Variants in EXOC4 observed in about 807,000 individuals in gnomAD.
The protein encoded by EXOC4 is exocyst complex component 4.
Under a neutral mutation model 107.2 loss-of-function variants are expected in EXOC4, and 71 were observed. That is an observed-to-expected ratio of 0.66 (90% CI 0.55 to 0.81). EXOC4 has a LOEUF of 0.81. Ranked by LOEUF, EXOC4 falls within the 30% of genes least tolerant of loss-of-function variation. EXOC4 has a pLI of 0.00. For synonymous variants in EXOC4, 456 were observed against 441.2 expected (o/e 1.03, Z -0.42); for missense variants, 1,108 against 1,189.6 (o/e 0.93, Z 1.01).
chr7:133,353,412 C>A (rs1478127227), intron 5 of EXOC4, among the ~76,000 whole-genome samples: 1 of 152,056 alleles, frequency 6.6e-6, no homozygotes, highest in Non-Finnish European at 1.5e-5. Context: ...ATACAGAATT[C>A]TTGGTTGACA....
At chr7:133,672,884 T>A (rs995516630) in intron 10 of EXOC4, among the ~76,000 whole-genome samples, 1 of 152,230 alleles carries the variant, frequency 6.6e-6, no homozygotes, top group African/African-American at 2.4e-5. Flanking sequence ...TATTGCTTTA[T>A]AATCACTTTT....
intron 9 of EXOC4, among the ~76,000 whole-genome samples, chr7:133,488,950 A>G (rs2150871933): frequency 6.7e-6 from 1 of 149,230 alleles, no homozygotes; most frequent in South Asian, 2.1e-4. Flanking sequence ...TCTCTATATA[A>G]AGTCTAATAT....
chr7:133,393,565 G>A (rs758736109), intron 7 of EXOC4, among the ~76,000 whole-genome samples: 3 of 152,156 alleles, frequency 2.0e-5, no homozygotes, highest in Non-Finnish European at 2.9e-5. Context: ...ATTTGGAGAT[G>A]GAGGCTTTGG....
At chr7:133,342,924 A>G (rs1362622089) in intron 5 of EXOC4, among the ~76,000 whole-genome samples, 3 of 152,038 alleles carry the variant, frequency 2.0e-5, no homozygotes, top group South Asian at 4.1e-4. Flanking sequence ...TTTTCCATCC[A>G]TAGCTTGTAT....
intron 10 of EXOC4, among the ~76,000 whole-genome samples, chr7:133,725,141 T>G (rs1405411578): frequency 6.6e-6 from 1 of 152,222 alleles, no homozygotes; most frequent in Non-Finnish European, 1.5e-5. Context: ...CCAATGCACC[T>G]GAGGAACTGA....
At chr7:133,272,341 G>A (rs897633725) in intron 1 of EXOC4, among the ~76,000 whole-genome samples, 16 of 152,024 alleles carry the variant, frequency 1.1e-4, no homozygotes, top group Admixed American at 1.3e-4. Context: ...TTAAATCCCC[G>A]TACTATTCCT....
At chr7:134,062,330 A>G (rs1305905913) in intron 17 of EXOC4, among the ~76,000 whole-genome samples, 1 of 152,094 alleles carries the variant, frequency 6.6e-6, no homozygotes, top group African/African-American at 2.4e-5. Flanking sequence ...AGACACCACA[A>G]CTCTTCCTGA....
the EXOC4 span, among the ~76,000 whole-genome samples, chr7:134,074,915 C>A: frequency 6.6e-6 from 1 of 152,214 alleles, no homozygotes; most frequent in East Asian, 1.9e-4. Flanking sequence ...GAAAATGGAA[C>A]TGGACCATGG....
At chr7:133,322,745 A>G (rs1029457764) in intron 5 of EXOC4, among the ~76,000 whole-genome samples, 1 of 152,096 alleles carries the variant, frequency 6.6e-6, no homozygotes, top group Non-Finnish European at 1.5e-5. Flanking sequence ...TTTTTTTCCA[A>G]TTCTGTGAAG....
chr7:133,940,611 C>T (rs1272801180), intron 14 of EXOC4, among the ~76,000 whole-genome samples: 7 of 152,188 alleles, frequency 4.6e-5, no homozygotes, highest in African/African-American at 1.7e-4. Context: ...ATCCTACTAA[C>T]AGCAAGCCTG....
At chr7:133,323,683 C>T (rs188523100) in intron 5 of EXOC4, among the ~76,000 whole-genome samples, 281 of 152,024 alleles carry the variant, frequency 1.8e-3, no homozygotes, top group African/African-American at 6.0e-3. Context: ...TTTTTTGTTG[C>T]GCCTCTGTCA....
In EXOC4 at chr7:133,589,822, T is replaced by G. The variant is rs1801497747; in HGVS notation, c.1418-40223T>G. Among the ~76,000 whole-genome samples the G allele has an allele frequency of 2.0e-5, 3 of 152,184 alleles. No individual in the cohort carries two copies. In the South Asian group the frequency reaches 6.2e-4, roughly 32 times the overall value. ...TCCCTTCTGAAAACAAGTCATCTAT[T>G]TATAAACTGCTGATTTCTTTGGGAC... On this transcript the variant is annotated intron_variant, in intron 9 of 17. Coordinates refer to ENST00000253861, the MANE Select transcript of EXOC4 (RefSeq NM_021807.4).
intron 9 of EXOC4, among the ~76,000 whole-genome samples, chr7:133,595,787 A>T (rs767946308): frequency 6.6e-6 from 1 of 152,196 alleles, no homozygotes. Flanking sequence ...GTTCCTTCCT[A>T]TACCTCGCAC....
intron 9 of EXOC4, among the ~76,000 whole-genome samples, chr7:133,594,589 G>A (rs1161923880): frequency 7.3e-6 from 1 of 137,898 alleles, no homozygotes; most frequent in African/African-American, 2.7e-5. Context: ...CCGCCTCCTG[G>A]TTCAAGCGAT....
chr7:133,651,932 A>G (rs1251161011), intron 10 of EXOC4, among the ~76,000 whole-genome samples: 1 of 152,166 alleles, frequency 6.6e-6, no homozygotes, highest in Non-Finnish European at 1.5e-5. Flanking sequence ...TGCCTGCCTC[A>G]GCCTCCCAAA....
chr7:133,477,603 G>A (rs965261556), intron 8 of EXOC4, among the ~76,000 whole-genome samples: 1 of 152,106 alleles, frequency 6.6e-6, no homozygotes, highest in African/African-American at 2.4e-5. Context: ...GAATAAAGCT[G>A]CTTTAAACAC....
intron 11 of EXOC4, among the ~76,000 whole-genome samples, chr7:133,834,076 C>T (rs1395263737): frequency 6.6e-6 from 1 of 152,126 alleles, no homozygotes; most frequent in Non-Finnish European, 1.5e-5. Context: ...ATCTCAGAGG[C>T]TTGACTAGAT....
At position 133,576,753 on chromosome 7, in the gene EXOC4, A is replaced by G. The variant is rs1042199652; in HGVS notation, c.1418-53292A>G. 1.5e-5 allele frequency: 19 copies of G among 1,289,602 alleles called. No individual in the cohort carries two copies. In the African/African-American group the frequency reaches 1.5e-4, roughly 10 times the overall value. 79.9% of individuals were successfully genotyped at this position (1,289,602 alleles called of 1,614,324 possible). On this transcript the variant is annotated intron_variant, in intron 9 of 17. Transcript: ENST00000253861. The stretch of plus-strand genomic sequence containing the variant: ...AGAGGATATTGGTCTACAGGGTACT[A>G]TTGGAGAGGTAACTGTGAGGCTTTT...
At chr7:133,676,371 A>G (rs1247574236) in intron 10 of EXOC4, among the ~76,000 whole-genome samples, 1 of 152,158 alleles carries the variant, frequency 6.6e-6, no homozygotes, top group East Asian at 1.9e-4. Context: ...AATGGGACCG[A>G]GTATGCCTAT....
Sources: allele counts gnomAD v4.1 joint callset (sites outside exome capture counted in the v4.1 genomes callset), GRCh38; gene constraint gnomAD v4.1.1; transcripts MANE v1.5; gene names NCBI Gene and HGNC (gene_info 2026-07-23, HGNC 2026-07-21).